RALGPS1: variants seen among roughly 807,000 people sequenced by gnomAD.
The protein encoded by RALGPS1 is Ral GEF with PH domain and SH3 binding motif 1, also known as ras-specific guanine nucleotide-releasing factor RalGPS1.
A neutral mutation model predicts 78.8 loss-of-function variants in RALGPS1; 19 were observed. The observed-to-expected ratio is 0.24, with a 90% confidence interval of 0.17 to 0.35. The LOEUF (loss-of-function observed/expected upper bound fraction) is 0.35. Among genes scored for constraint, RALGPS1 ranks in the 10% least tolerant of loss-of-function variants. The pLI, the probability that RALGPS1 is intolerant of heterozygous loss-of-function variation, is 1.00. For synonymous variants in RALGPS1, 228 were observed against 256.3 expected, an observed-to-expected ratio of 0.89 and a Z score of 1.06; for missense variants, 454 against 688.3, an observed-to-expected ratio of 0.66 and a Z score of 3.81.
At chr9:127,048,863 A>G (rs1212632202) in intron 5 of RALGPS1, among the ~76,000 whole-genome samples, 2 of 152,240 alleles carry the variant, frequency 1.3e-5, no homozygotes, top group East Asian at 1.9e-4. Context: ...AAACCCAGTC[A>G]TGTCCTGGAG....
intron 8 of RALGPS1, among the ~76,000 whole-genome samples, chr9:127,080,012 G>T (rs2051027313): frequency 2.0e-5 from 3 of 152,202 alleles, no homozygotes; most frequent in African/African-American, 4.8e-5. Flanking sequence ...CTGGCCTCTA[G>T]GGCAACAGGA....
intron 11 of RALGPS1, chr9:127,184,011 C>A: frequency 6.5e-7 from 1 of 1,549,806 alleles, no homozygotes; most frequent in South Asian, 1.2e-5. Context: ...CCGCGCTCCC[C>A]GTGGCCTAGG....
intron 8 of RALGPS1, among the ~76,000 whole-genome samples, chr9:127,155,962 A>G (rs2058688857): frequency 6.6e-6 from 1 of 152,144 alleles, no homozygotes. Flanking sequence ...AATAATATAA[A>G]ATTGTATAAA....
At chr9:126,993,020 GTCTT>G in intron 4 of RALGPS1, among the ~76,000 whole-genome samples, 1 of 152,250 alleles carries the variant, frequency 6.6e-6, no homozygotes, top group Middle Eastern at 3.4e-3. Context: ...TTTCATAGAG[GTCTT>G]TTTATCAGGT....
rs751574872 is a variant in RALGPS1 at position 127,169,378 on chromosome 9, TGCTGA to T, written c.842+608_842+612del. Among the ~76,000 whole-genome samples, 112 of 152,312 alleles carry T rather than the reference TGCTGA, an allele frequency of 7.4e-4. 1 individual carries two copies. Among genetic ancestry groups the T allele is most frequent in the Non-Finnish European group, 1.2e-3 (80 of 68,008 alleles). ...CTTTGGCCTCATCTTCCACTAACCC[TGCTGA>T]GGCTTTCAGTTCTTTCTTCATTTGT... On this transcript the variant is annotated intron_variant, in intron 10 of 18. Coordinates refer to ENST00000259351, the MANE Select transcript of RALGPS1 (RefSeq NM_014636.3).
chr9:127,211,485 G>A lies in RALGPS1; in HGVS notation c.1248-646G>A, dbSNP rs1303219542. Among the ~76,000 whole-genome samples, 1 of 152,180 alleles carries A rather than the reference G, an allele frequency of 6.6e-6. No individual in the cohort carries two copies. Among genetic ancestry groups the A allele is most frequent in the African/African-American group, 2.4e-5 (1 of 41,434 alleles). Reference sequence around the variant, plus strand: ...GGCATCCGAGAGGAAGAAAATCCCCGCTTTCTGGCTGAAGCAGCCAGTAGG... The same window carrying A: ...GGCATCCGAGAGGAAGAAAATCCCCACTTTCTGGCTGAAGCAGCCAGTAGG... On this transcript the variant is annotated intron_variant, in intron 14 of 18. Coordinates refer to ENST00000259351, the MANE Select transcript of RALGPS1 (RefSeq NM_014636.3). This position sits in a 1 kb window ranked among gnomAD's most constrained non-coding sequence, Gnocchi z 5.0.
At chr9:127,138,382 G>C (rs752444071) in intron 8 of RALGPS1, among the ~76,000 whole-genome samples, 2 of 152,146 alleles carry the variant, frequency 1.3e-5, no homozygotes, top group Non-Finnish European at 2.9e-5. Flanking sequence ...AGTGCTTATT[G>C]AGCACTGTGG....
intron 11 of RALGPS1, among the ~76,000 whole-genome samples, chr9:127,193,814 C>T (rs535933373): frequency 6.6e-6 from 1 of 152,140 alleles, no homozygotes; most frequent in Non-Finnish European, 1.5e-5. Flanking sequence ...GTGTTCTCTG[C>T]AGGAAGCAGC....
intron 4 of RALGPS1, among the ~76,000 whole-genome samples, chr9:126,987,911 G>T (rs1320376799): frequency 6.6e-6 from 1 of 152,142 alleles, no homozygotes; most frequent in Non-Finnish European, 1.5e-5. Context: ...AAGAGTGAGG[G>T]TGAGGATGGG....
intron 8 of RALGPS1, among the ~76,000 whole-genome samples, chr9:127,079,021 A>G (rs1003932336): frequency 1.3e-5 from 2 of 152,212 alleles, no homozygotes; most frequent in Non-Finnish European, 2.9e-5. Context: ...AAATGGTGAG[A>G]TCAGTGCTTG....
chr9:127,073,454 G>GTGTGTGTGTC (rs2050386791), intron 8 of RALGPS1, among the ~76,000 whole-genome samples: 3 of 133,024 alleles, frequency 2.3e-5, no homozygotes, highest in South Asian at 4.6e-4. Context: ...CATTGTGTGT[G>GTGTGTGTGTC]TGTGTGTGTG....
At chr9:127,130,188 C>T (rs937759125) in intron 8 of RALGPS1, among the ~76,000 whole-genome samples, 2 of 152,220 alleles carry the variant, frequency 1.3e-5, no homozygotes, top group Non-Finnish European at 2.9e-5. Context: ...TGAAATTTAC[C>T]TATCCTCCCT....
rs2062327755 is a variant in RALGPS1, at chr9:127,212,503, G to A, written c.1354-124G>A. ...GAAGTTGGCATTGCCAGGGGGTGGT[G>A]GAGGGCCAGGGAAGAGATGGGGCCT... On this transcript the variant is annotated intron_variant, in intron 15 of 18. Coordinates refer to ENST00000259351, the MANE Select transcript of RALGPS1 (RefSeq NM_014636.3). This position sits in a 1 kb window ranked among gnomAD's most constrained non-coding sequence, Gnocchi z 6.0. 1 of 714,468 alleles carries A rather than the reference G, an allele frequency of 1.4e-6. No individual in the cohort carries two copies. The allele number at this position is 714,468 out of a possible 1,614,324, so 44.3% of individuals were successfully genotyped here.
At chr9:126,933,833 ACCCACCCTCCCTTG>A (rs1014591322) in intron 1 of RALGPS1, among the ~76,000 whole-genome samples, 1 of 151,844 alleles carries the variant, frequency 6.6e-6, no homozygotes, top group Non-Finnish European at 1.5e-5. Context: ...GGTGTGCCAC[ACCCACCCTCCCTTG>A]CCTTTATACT....
intron 4 of RALGPS1, among the ~76,000 whole-genome samples, chr9:126,996,221 CA>C (rs1373252566): frequency 2.0e-5 from 3 of 151,960 alleles, no homozygotes; most frequent in South Asian, 2.1e-4. Context: ...AAAAACCCTT[CA>C]AAAAATTAAT....
rs189590512 is a variant in RALGPS1, at chr9:127,012,107, A to G, written c.217-22324A>G. Among the ~76,000 whole-genome samples, 29 of 152,256 alleles carry G rather than the reference A, an allele frequency of 1.9e-4. No homozygotes were observed. In the East Asian group the frequency reaches 5.6e-3, roughly 29 times the overall value. ...AAATGAGAGTTTAAAGCAAAGTTTT[A>G]ATTTATGGCTGCAGATTGTTTCTTT... On this transcript the variant is annotated intron_variant, in intron 4 of 18. Transcript: ENST00000259351.
At chr9:127,155,038 A>G (rs1172076455) in intron 8 of RALGPS1, among the ~76,000 whole-genome samples, 1 of 152,190 alleles carries the variant, frequency 6.6e-6, no homozygotes, top group African/African-American at 2.4e-5. Flanking sequence ...CTCTGGAAGC[A>G]CTTTATAGCA....
At chr9:127,092,720 A>G (rs984446341) in intron 8 of RALGPS1, among the ~76,000 whole-genome samples, 12 of 152,144 alleles carry the variant, frequency 7.9e-5, no homozygotes, top group Non-Finnish European at 1.8e-4. Context: ...CAGGATTTGA[A>G]CCAAGAACCC....
intron 14 of RALGPS1, among the ~76,000 whole-genome samples, chr9:127,202,838 T>A (rs2061710649): frequency 6.6e-6 from 1 of 151,418 alleles, no homozygotes; most frequent in South Asian, 2.1e-4. Context: ...CCGGGGAGAG[T>A]AGGGGCGAGG....
Sources: gnomAD v4.1 joint callset for allele counts (sites outside exome capture counted in the v4.1 genomes callset) on GRCh38, gnomAD v4.1.1 for gene constraint, Gnocchi (gnomAD v3.1) non-coding constraint, MANE v1.5 for transcripts, NCBI Gene and HGNC (gene_info 2026-07-23, HGNC 2026-07-21) for gene names.